Variants in PTCSC3 observed in about 807,000 individuals in gnomAD.
PTCSC3 encodes the protein papillary thyroid carcinoma susceptibility candidate 3, also known as papillary thyroid carcinoma susceptibility candidate 3 (non-protein coding).
At chr14:36,160,484 G>A (rs553942324) in intron 2 of PTCSC3, among the ~76,000 whole-genome samples, 316 of 152,224 alleles carry the variant, frequency 2.1e-3, no homozygotes, top group Middle Eastern at 6.8e-3. Flanking sequence ...CTTCATTTAC[G>A]AAGCTTAGTT....
At chr14:36,148,127 C>A (rs547588336) in intron 3 of PTCSC3, among the ~76,000 whole-genome samples, 16 of 152,152 alleles carry the variant, frequency 1.1e-4, no homozygotes, top group Non-Finnish European at 1.9e-4. Flanking sequence ...TTTGTCTGTG[C>A]CCTGCCCCCA....
At chr14:36,170,410 C>T (rs748810830) in intron 1 of PTCSC3, among the ~76,000 whole-genome samples, 10 of 152,026 alleles carry the variant, frequency 6.6e-5, no homozygotes, top group Non-Finnish European at 7.4e-5. Context: ...TGCTCATTGG[C>T]GTTGAAACTA....
intron 1 of PTCSC3, among the ~76,000 whole-genome samples, chr14:36,165,722 C>CTTTTTT (rs71448056): frequency 2.4e-5 from 3 of 124,820 alleles, no homozygotes; most frequent in Admixed American, 8.1e-5. Flanking sequence ...TTTATTTTTC[C>CTTTTTT]TTTTTTTTTT....
intron 1 of PTCSC3, among the ~76,000 whole-genome samples, chr14:36,173,501 CTT>C (rs1455561627): frequency 6.6e-6 from 1 of 152,032 alleles, no homozygotes; most frequent in Non-Finnish European, 1.5e-5. Flanking sequence ...ATTTAAAAAA[CTT>C]TTAGCTAACT....
chr14:36,150,226 A>G (rs576070501), intron 3 of PTCSC3, among the ~76,000 whole-genome samples: 1 of 152,272 alleles, frequency 6.6e-6, no homozygotes, highest in East Asian at 1.9e-4. Flanking sequence ...CCAAGATGAT[A>G]GTATTAGGAG....
At chr14:36,155,405 C>T (rs1398493475) in intron 2 of PTCSC3, among the ~76,000 whole-genome samples, 1 of 152,078 alleles carries the variant, frequency 6.6e-6, no homozygotes, top group Non-Finnish European at 1.5e-5. Context: ...TACCCCCATG[C>T]TCCAAGAGTT....
At chr14:36,155,511 G>A (rs541289913) in intron 2 of PTCSC3, among the ~76,000 whole-genome samples, 1 of 151,742 alleles carries the variant, frequency 6.6e-6, no homozygotes, top group Non-Finnish European at 1.5e-5. Flanking sequence ...TACACTCACG[G>A]TCCTTAAATT....
At chr14:36,172,328 T>A (rs1357785735) in intron 1 of PTCSC3, among the ~76,000 whole-genome samples, 1 of 152,198 alleles carries the variant, frequency 6.6e-6, no homozygotes, top group Non-Finnish European at 1.5e-5. Context: ...GGATTTTAAT[T>A]TTGATCTTTA....
At chr14:36,152,849 G>A (rs571102094) in intron 3 of PTCSC3, among the ~76,000 whole-genome samples, 121 of 150,382 alleles carry the variant, frequency 8.0e-4, no homozygotes, top group Non-Finnish European at 1.2e-3. Context: ...AGCTGAGATG[G>A]TGCCACTGCA....
chr14:36,171,394 C>T (rs1882189511), intron 1 of PTCSC3, among the ~76,000 whole-genome samples: 2 of 151,928 alleles, frequency 1.3e-5, no homozygotes, highest in African/African-American at 4.8e-5. Context: ...ATAATTGAGG[C>T]GATATTTGTG....
At chr14:36,165,499 C>T (rs921113044) in intron 1 of PTCSC3, among the ~76,000 whole-genome samples, 3 of 150,982 alleles carry the variant, frequency 2.0e-5, no homozygotes, top group Admixed American at 6.6e-5. Context: ...AGCATAATGA[C>T]AACAGATTGA....
At chr14:36,155,887 TCTC>T (rs1429852774) in intron 2 of PTCSC3, among the ~76,000 whole-genome samples, 4 of 152,304 alleles carry the variant, frequency 2.6e-5, no homozygotes, top group African/African-American at 9.6e-5. Context: ...AAAATGTAGC[TCTC>T]CTTTGGGTTA....
chr14:36,162,265 A>ACAAAAAAC (rs1881976894), intron 2 of PTCSC3, among the ~76,000 whole-genome samples: 1 of 46,100 alleles, frequency 2.2e-5, no homozygotes, highest in South Asian at 8.6e-4. Context: ...ATGGAAAAAA[A>ACAAAAAAC]AAAAAAAAAA....
intron 1 of PTCSC3, among the ~76,000 whole-genome samples, chr14:36,175,307 G>T (rs576319293): frequency 1.3e-5 from 2 of 152,292 alleles, no homozygotes; most frequent in African/African-American, 4.8e-5. Flanking sequence ...GCCTTACAGT[G>T]CTTGTTATCC....
chr14:36,138,590 A>C (rs1420754094), intron 3 of PTCSC3, among the ~76,000 whole-genome samples: 2 of 152,254 alleles, frequency 1.3e-5, no homozygotes, highest in Non-Finnish European at 2.9e-5. Flanking sequence ...AAGATGTTCA[A>C]CATCATTAAT....
intron 1 of PTCSC3, among the ~76,000 whole-genome samples, chr14:36,173,773 G>T (rs533008037): frequency 8.5e-5 from 13 of 152,180 alleles, no homozygotes; most frequent in African/African-American, 2.9e-4. Context: ...GTGCAGGCAG[G>T]CTGGAAACGA....
chr14:36,165,595 G>A (rs1053540220), intron 1 of PTCSC3, among the ~76,000 whole-genome samples: 3 of 151,854 alleles, frequency 2.0e-5, no homozygotes, highest in African/African-American at 7.2e-5. Context: ...AGATGATATC[G>A]CAGGTATTTT....
At chr14:36,157,867 T>C (rs1015520175) in intron 2 of PTCSC3, among the ~76,000 whole-genome samples, 2 of 152,196 alleles carry the variant, frequency 1.3e-5, no homozygotes, top group African/African-American at 4.8e-5. Flanking sequence ...ATTTTCATGA[T>C]ATTGATTCTT....
At chr14:36,165,021 G>C (rs967188081) in intron 1 of PTCSC3, 1 of 152,106 alleles carries the variant, frequency 6.6e-6, no homozygotes, top group African/African-American at 2.4e-5. Flanking sequence ...AGTAACCTGG[G>C]GGTATCCGGG....
Sources: allele counts gnomAD v4.1 joint callset (sites outside exome capture counted in the v4.1 genomes callset), GRCh38; gene constraint gnomAD v4.1.1; transcripts MANE v1.5; gene names NCBI Gene and HGNC (gene_info 2026-07-23, HGNC 2026-07-21).